The following CMKLR2 variants were observed in gnomAD, a reference collection of about 807,000 sequenced individuals.
CMKLR2 encodes the protein chemerin-like receptor 2.
A neutral mutation model predicts 23.0 loss-of-function variants in CMKLR2; 18 were observed. The observed-to-expected ratio is 0.78, with a 90% CI of 0.54 to 1.16. The LOEUF (loss-of-function observed/expected upper bound fraction) is 1.16, where lower values mean the gene tolerates loss of function less well. CMKLR2 is among the 50% of genes most tolerant of loss of function. The pLI is 0.00. For synonymous variants in CMKLR2, 158 were observed against 158.9 expected, an observed-to-expected ratio of 0.99 and a Z score of 0.05; for missense variants, 401 against 412.7, an observed-to-expected ratio of 0.97 and a Z score of 0.25.
intron 1 of CMKLR2, among the ~76,000 whole-genome samples, chr2:206,200,050 A>G (rs754323246): frequency 6.6e-5 from 10 of 152,218 alleles, no homozygotes; most frequent in Non-Finnish European, 1.3e-4. Flanking sequence ...TTTCTTTCAT[A>G]GTTGATATTA....
At position 206,176,435 on chromosome 2, in the gene CMKLR2, G is replaced by T; in HGVS notation, c.813C>A (p.Thr271=). Residue 271 remains threonine, a synonymous_variant, in exon 2 of 2, where the codon ACC becomes ACA. Transcript: ENST00000621141. ...GGTGGGAATAGCTATTGTGGTGAAT[G>T]GTGAGCTCCCAAATGCTAAACAGGT... ...PYHLFSIWEL[T]IHHNSYSHHV... The T allele has an allele frequency of 6.2e-7, 1 of 1,614,140 alleles. No individual in the cohort carries two copies. Among genetic ancestry groups the T allele is most frequent in the Non-Finnish European group, 8.5e-7 (1 of 1,180,016 alleles).
At chr2:206,214,769 G>T (rs567960816), upstream of CMKLR2, among the ~76,000 whole-genome samples, 1 of 151,624 alleles carries the variant, frequency 6.6e-6, no homozygotes, top group African/African-American at 2.4e-5. Context: ...GACTGCAGGC[G>T]CCCGCCACCA....
chr2:206,179,635 C>G (rs1287641817), intron 1 of CMKLR2, among the ~76,000 whole-genome samples: 1 of 152,002 alleles, frequency 6.6e-6, no homozygotes, highest in Non-Finnish European at 1.5e-5. Context: ...TGCCCCTCTG[C>G]CTTTTTTCTT....
At chr2:206,181,404 G>C (rs1363236372) in intron 1 of CMKLR2, among the ~76,000 whole-genome samples, 1 of 151,694 alleles carries the variant, frequency 6.6e-6, no homozygotes, top group Non-Finnish European at 1.5e-5. Flanking sequence ...TGTTGCCCAG[G>C]CTGGATTCAA....
chr2:206,181,951 CAAAAAA>C (rs34520665), intron 1 of CMKLR2, among the ~76,000 whole-genome samples: 6 of 68,586 alleles, frequency 8.7e-5, no homozygotes, highest in African/African-American at 3.6e-4. Flanking sequence ...AACTCCACCT[CAAAAAA>C]AAAAAAAAAA....
chr2:206,188,417 A>G (rs1171469002), intron 1 of CMKLR2, among the ~76,000 whole-genome samples: 1 of 152,236 alleles, frequency 6.6e-6, no homozygotes, highest in East Asian at 1.9e-4. Flanking sequence ...TAGCTACTGT[A>G]TTTGTCTTAA....
chr2:206,177,291 T>A lies in CMKLR2; in HGVS notation c.-28-16A>T. On this transcript the variant is annotated splice_polypyrimidine_tract_variant and intron_variant, in intron 1 of 1. Coordinates refer to ENST00000621141, the MANE Select transcript of CMKLR2 (RefSeq NM_001389445.1). ...ATGAAGAAATCTGTAGAAGCAAATT[T>A]AAAAAGAAAGAAAAAATTTTAAAAG... The A allele has an allele frequency of 1.6e-6, 2 of 1,240,144 alleles. No individual in the cohort carries two copies. Among genetic ancestry groups the A allele is most frequent in the Non-Finnish European group, 2.2e-6 (2 of 889,890 alleles). 76.8% of individuals were successfully genotyped at this position (1,240,144 alleles called of 1,614,324 possible). A position where few individuals can be genotyped will look rare whatever the true frequency, so the allele number is the denominator to read the frequency against.
rs144224629 is a variant in CMKLR2, at chr2:206,176,541, C to T, written c.707G>A (p.Arg236Gln). Reference protein sequence around the residue: ...YLCLIFKVKKRSILISSRHFW... With the variant: ...YLCLIFKVKKQSILISSRHFW... ...ATGCCTACTGGAGATCAGGATGCTTCGCTTCTTCACCTTGAAGATGAGACA... is the reference window on the plus strand; with the variant it reads ...ATGCCTACTGGAGATCAGGATGCTTTGCTTCTTCACCTTGAAGATGAGACA... The change falls in exon 2 of 2, where the codon CGA becomes CAA. Residue 236 changes from arginine (R) to glutamine (Q), a missense_variant. Physicochemically the swap from Arg to Gln is conservative, Grantham distance 43 (BLOSUM62 1). Coordinates refer to ENST00000621141, the MANE Select transcript of CMKLR2 (RefSeq NM_001389445.1). 91 of 1,614,072 alleles carry T rather than the reference C, an allele frequency of 5.6e-5. No homozygotes were observed. The highest frequency in any genetic ancestry group is 3.3e-4 in the Middle Eastern group (2 of 6,062).
chr2:206,183,921 A>C (rs1464234686), intron 1 of CMKLR2, among the ~76,000 whole-genome samples: 1 of 152,206 alleles, frequency 6.6e-6, no homozygotes, highest in Non-Finnish European at 1.5e-5. Context: ...TCTAGAGACT[A>C]AATGTATTCA....
intron 1 of CMKLR2, among the ~76,000 whole-genome samples, chr2:206,180,076 C>A (rs1340351183): frequency 6.6e-6 from 1 of 151,992 alleles, no homozygotes; most frequent in Non-Finnish European, 1.5e-5. Flanking sequence ...TTCTTAGAAA[C>A]ATTTTCTGAC....
At chr2:206,194,077 C>T (rs991863445) in intron 1 of CMKLR2, among the ~76,000 whole-genome samples, 1 of 152,142 alleles carries the variant, frequency 6.6e-6, no homozygotes, top group African/African-American at 2.4e-5. Flanking sequence ...GAACAGTAAT[C>T]AGGGACCTTG....
chr2:206,185,023 T>C (rs1688536480), intron 1 of CMKLR2, among the ~76,000 whole-genome samples: 1 of 152,172 alleles, frequency 6.6e-6, no homozygotes, highest in Non-Finnish European at 1.5e-5. Flanking sequence ...AGTCTTGCTT[T>C]GTTGCCTAGG....
chr2:206,177,038 T>C lies in CMKLR2; in HGVS notation c.210A>G (p.Thr70=). The C allele has an allele frequency of 6.2e-7, 1 of 1,614,174 alleles. No homozygotes were observed. Among genetic ancestry groups the C allele is most frequent in the Non-Finnish European group, 8.5e-7 (1 of 1,180,022 alleles). The change falls in exon 2 of 2, where the codon ACA becomes ACG. Residue 70 remains threonine, a synonymous_variant. Coordinates refer to ENST00000621141, the MANE Select transcript of CMKLR2 (RefSeq NM_001389445.1). The stretch of plus-strand genomic sequence containing the variant: ...GATTGAGGAACCACAGAGTGGTGAC[T>C]GTCTTCTTCCACTTGAACCCCGTGA... ...IWFTGFKWKK[T]VTTLWFLNLA...
rs1414979216 is a variant in CMKLR2, at chr2:206,176,498, A to G, written c.750T>C (p.Val250=). 6.2e-7 allele frequency: 1 copy of G among 1,614,168 alleles called. No homozygotes were observed. The highest frequency in any genetic ancestry group is 1.1e-5 in the South Asian group (1 of 91,084). The change falls in exon 2 of 2, where the codon GTT becomes GTC. Residue 250 remains valine, a synonymous_variant. Coordinates refer to ENST00000621141, the MANE Select transcript of CMKLR2 (RefSeq NM_001389445.1). Reference sequence around the variant, plus strand: ...AGCAAACCACAAAGGCCACAACCACAACCAGAATTGTCCAGAAATGCCTAC... The same window carrying G: ...AGCAAACCACAAAGGCCACAACCACGACCAGAATTGTCCAGAAATGCCTAC... ...ISSRHFWTIL[V]VVVAFVVCWT...
intron 1 of CMKLR2, among the ~76,000 whole-genome samples, chr2:206,210,721 A>G (rs2105843794): frequency 6.6e-6 from 1 of 152,252 alleles, no homozygotes; most frequent in East Asian, 1.9e-4. Flanking sequence ...TCAGCCTCCC[A>G]AAATGCTCGG....
intron 1 of CMKLR2, among the ~76,000 whole-genome samples, chr2:206,190,067 C>T (rs1171987464): frequency 6.6e-6 from 1 of 152,040 alleles, no homozygotes; most frequent in African/African-American, 2.4e-5. Context: ...GTTGCTGCTG[C>T]CAGTTGGGAG....
At chr2:206,180,146 A>G (rs1206512246) in intron 1 of CMKLR2, among the ~76,000 whole-genome samples, 5 of 152,054 alleles carry the variant, frequency 3.3e-5, no homozygotes, top group Non-Finnish European at 1.5e-5. Context: ...AATTTATAAT[A>G]AAATGATAGT....
chr2:206,217,290 G>A (rs981618494), upstream of CMKLR2: 1 of 152,076 alleles, frequency 6.6e-6, no homozygotes, highest in Non-Finnish European at 1.5e-5. Flanking sequence ...ATTAGACTTA[G>A]GAGGCCCTTA....
At chr2:206,177,312 A>T in intron 1 of CMKLR2, 37 bp from the exon 2 acceptor site, 1 of 1,024,564 alleles carries the variant, frequency 9.8e-7, no homozygotes, top group Non-Finnish European at 1.4e-6. Context: ...AAAAAATTTT[A>T]AAAGAAAAAT....
Sources: gnomAD v4.1 joint callset for allele counts (sites outside exome capture counted in the v4.1 genomes callset) on GRCh38, gnomAD v4.1.1 for gene constraint, MANE v1.5 for transcripts, NCBI Gene and HGNC (gene_info 2026-07-23, HGNC 2026-07-21) for gene names.